NAA15: variants seen among roughly 807,000 people sequenced by gnomAD.
NAA15 encodes N-alpha-acetyltransferase 15, NatA auxiliary subunit.
NAA15 carries 34 observed loss-of-function variants against 114.0 expected under a neutral mutation model. The ratio of observed to expected loss-of-function variants is 0.30; its 90% CI spans 0.23 to 0.40. The LOEUF is 0.40. Ranked by LOEUF, NAA15 falls within the 10% of genes least tolerant of loss-of-function variation. NAA15 has a pLI of 1.00. For missense variants in NAA15, 658 were observed against 1,004.5 expected (o/e 0.66, Z 4.66); for synonymous variants, 340 against 338.0 (o/e 1.01, Z -0.06).
intron 6 of NAA15, among the ~76,000 whole-genome samples, chr4:139,345,396 G>A (rs2110920248): frequency 6.6e-6 from 1 of 152,334 alleles, no homozygotes; most frequent in Non-Finnish European, 1.5e-5. Flanking sequence ...TGTGAACAGA[G>A]TCAAGGCTTG....
intron 14 of NAA15, among the ~76,000 whole-genome samples, chr4:139,367,765 T>C (rs937975431): frequency 1.3e-5 from 2 of 152,196 alleles, no homozygotes; most frequent in African/African-American, 4.8e-5. Context: ...ACTGAGAGTT[T>C]TCAAAACCAT....
chr4:139,333,062 C>T (rs1320865255), intron 1 of NAA15, among the ~76,000 whole-genome samples: 1 of 152,034 alleles, frequency 6.6e-6, no homozygotes, highest in East Asian at 1.9e-4. Context: ...ATTTATAATA[C>T]CTAATACAAT....
intron 10 of NAA15, among the ~76,000 whole-genome samples, chr4:139,354,694 TC>T (rs1747886150): frequency 2.0e-5 from 3 of 152,236 alleles, no homozygotes; most frequent in Non-Finnish European, 2.9e-5. Context: ...TACCCAGCAC[TC>T]AGCTTCAATA....
chr4:139,359,129 T>C (rs1748056488), intron 11 of NAA15, among the ~76,000 whole-genome samples: 1 of 151,808 alleles, frequency 6.6e-6, no homozygotes, highest in Admixed American at 6.6e-5. Flanking sequence ...ATTTCTGTTA[T>C]TATTTATTTA....
chr4:139,348,327 GC>G (rs895814670), intron 6 of NAA15, among the ~76,000 whole-genome samples: 5 of 151,954 alleles, frequency 3.3e-5, no homozygotes, highest in African/African-American at 1.2e-4. Context: ...GGTGGCACAT[GC>G]CTGTAGTTCC....
At chr4:139,353,585 A>C (rs759799296) in intron 9 of NAA15, among the ~76,000 whole-genome samples, 40 of 152,218 alleles carry the variant, frequency 2.6e-4, no homozygotes, top group Non-Finnish European at 4.4e-4. Flanking sequence ...GTATTCTTTG[A>C]GTTTTACTAA....
intron 10 of NAA15, among the ~76,000 whole-genome samples, chr4:139,357,098 C>T (rs530076609): frequency 6.6e-6 from 1 of 151,992 alleles, no homozygotes; most frequent in Non-Finnish European, 1.5e-5. Context: ...TTGTCTCCCC[C>T]CTACCTGTTT....
chr4:139,314,249 C>A (rs1304844236), intron 1 of NAA15, among the ~76,000 whole-genome samples: 1 of 151,774 alleles, frequency 6.6e-6, no homozygotes, highest in African/African-American at 2.4e-5. Context: ...TTGTGGCTCA[C>A]AACATACAAG....
chr4:139,353,423 C>T (rs946353538), intron 9 of NAA15, among the ~76,000 whole-genome samples: 1 of 151,984 alleles, frequency 6.6e-6, no homozygotes, highest in Non-Finnish European at 1.5e-5. Context: ...AATAGAAATC[C>T]CTTAAACATG....
chr4:139,348,926 A>G (rs1159309234), intron 6 of NAA15, among the ~76,000 whole-genome samples: 1 of 152,222 alleles, frequency 6.6e-6, no homozygotes, highest in Non-Finnish European at 1.5e-5. Flanking sequence ...GTTGAATAGT[A>G]GGATTAGTGA....
chr4:139,307,831 C>T (rs910870005), intron 1 of NAA15, among the ~76,000 whole-genome samples: 4 of 151,982 alleles, frequency 2.6e-5, no homozygotes, highest in Non-Finnish European at 4.4e-5. Context: ...TTTCAGGGCA[C>T]TTAACATCAC....
At chr4:139,387,427 T>C (rs1446056452) in intron 19 of NAA15, among the ~76,000 whole-genome samples, 1 of 152,254 alleles carries the variant, frequency 6.6e-6, no homozygotes, top group Non-Finnish European at 1.5e-5. Flanking sequence ...TTGAACACAA[T>C]GTTGAATACA....
chr4:139,378,792 C>T lies in NAA15; in HGVS notation c.2093C>T (p.Ala698Val). 1 of 1,557,376 alleles carries T rather than the reference C, an allele frequency of 6.4e-7. No individual in the cohort carries two copies. Among genetic ancestry groups the T allele is most frequent in the South Asian group, 1.2e-5 (1 of 81,604 alleles). The change falls in exon 17 of 20, where the codon GCA becomes GTA. Residue 698 changes from alanine to valine, a missense_variant. Transcript: ENST00000296543. ...FLLMLQSVKR[A>V]FAIDSSHPWL... ...TTGATGCTACAATCAGTAAAGAGGGCATTTGCTATTGATTCTAGTCATCCC... is the reference window on the plus strand; with the variant it reads ...TTGATGCTACAATCAGTAAAGAGGGTATTTGCTATTGATTCTAGTCATCCC...
chr4:139,319,643 G>C (rs1255253350), intron 1 of NAA15, among the ~76,000 whole-genome samples: 1 of 151,662 alleles, frequency 6.6e-6, no homozygotes, highest in Non-Finnish European at 1.5e-5. Context: ...CATGTTGCCA[G>C]GCTGGTCTTG....
At chr4:139,385,010 A>G in intron 18 of NAA15, 32 bp downstream of exon 18, 1 of 1,443,830 alleles carries the variant, frequency 6.9e-7, no homozygotes, top group Admixed American at 2.6e-5. Flanking sequence ...TAGCCTTCTA[A>G]AACAACTTCA....
chr4:139,335,664 A>G (rs919814659), intron 2 of NAA15, among the ~76,000 whole-genome samples: 21 of 151,528 alleles, frequency 1.4e-4, no homozygotes, highest in Admixed American at 1.3e-3. Flanking sequence ...CGCCCAGCCT[A>G]TTTCACTGTT....
At chr4:139,311,227 T>C (rs1746214462) in intron 1 of NAA15, among the ~76,000 whole-genome samples, 1 of 152,028 alleles carries the variant, frequency 6.6e-6, no homozygotes, top group Non-Finnish European at 1.5e-5. Flanking sequence ...TATCACGTTT[T>C]CCACAATTAA....
At chr4:139,373,824 C>T (rs1748510351) in intron 15 of NAA15, among the ~76,000 whole-genome samples, 1 of 151,958 alleles carries the variant, frequency 6.6e-6, no homozygotes, top group Non-Finnish European at 1.5e-5. Flanking sequence ...TCAGCTTCCC[C>T]AGTAGCTGGG....
intron 1 of NAA15, among the ~76,000 whole-genome samples, chr4:139,314,782 A>G (rs778085679): frequency 7.9e-5 from 12 of 151,440 alleles, no homozygotes; most frequent in Non-Finnish European, 1.5e-4. Flanking sequence ...GGTTCAAACA[A>G]TTCTCCTGCC....
Sources: gnomAD v4.1 joint callset for allele counts (sites outside exome capture counted in the v4.1 genomes callset) on GRCh38, gnomAD v4.1.1 for gene constraint, MANE v1.5 for transcripts, NCBI Gene and HGNC (gene_info 2026-07-23, HGNC 2026-07-21) for gene names.